Variants in MAP2 observed in about 807,000 individuals in gnomAD.
MAP2 encodes the protein microtubule-associated protein 2.
Under a neutral mutation model 137.6 loss-of-function variants are expected in MAP2, and 14 were observed. The observed-to-expected ratio is 0.10, with a 90% confidence interval of 0.07 to 0.16. The LOEUF (loss-of-function observed/expected upper bound fraction) is 0.16. Among genes scored for constraint, MAP2 ranks in the 10% least tolerant of loss-of-function variants. The pLI is 1.00. For synonymous variants in MAP2, 786 were observed against 782.3 expected (o/e 1.00, Z -0.08); for missense variants, 2,088 against 2,191.5 (o/e 0.95, Z 0.94).
At chr2:209,492,746 TC>T (rs905701341) in intron 1 of MAP2, among the ~76,000 whole-genome samples, 2 of 152,140 alleles carry the variant, frequency 1.3e-5, no homozygotes, top group African/African-American at 4.8e-5. Context: ...GTGAAGGACC[TC>T]TTCAAGGAGA....
intron 4 of MAP2, among the ~76,000 whole-genome samples, chr2:209,639,808 G>T (rs2093867088): frequency 6.6e-6 from 1 of 151,356 alleles, no homozygotes; most frequent in African/African-American, 2.4e-5. Context: ...GCGAGCATTT[G>T]TTGTGGAGCC....
intron 4 of MAP2, among the ~76,000 whole-genome samples, chr2:209,631,788 A>C (rs569819114): frequency 2.0e-5 from 3 of 152,292 alleles, no homozygotes; most frequent in South Asian, 4.1e-4. Context: ...ACCTTGTTCA[A>C]GTCTCTGTTC....
At chr2:209,600,155 C>G (rs1167407405) in intron 3 of MAP2, among the ~76,000 whole-genome samples, 1 of 152,126 alleles carries the variant, frequency 6.6e-6, no homozygotes, top group Non-Finnish European at 1.5e-5. Flanking sequence ...TCTTTCTACC[C>G]ATTTCACTCT....
intron 3 of MAP2, among the ~76,000 whole-genome samples, chr2:209,582,088 CAT>C (rs1199957505): frequency 6.6e-6 from 1 of 151,932 alleles, no homozygotes; most frequent in Non-Finnish European, 1.5e-5. Flanking sequence ...ATTTTTAACA[CAT>C]AGTATAGTGC....
At chr2:209,450,795 A>T (rs1700135555) in intron 1 of MAP2, among the ~76,000 whole-genome samples, 1 of 152,172 alleles carries the variant, frequency 6.6e-6, no homozygotes, top group Non-Finnish European at 1.5e-5. Flanking sequence ...ATATTTAATA[A>T]ATCAGAGAAA....
At chr2:209,607,279 G>A (rs2085105387) in intron 3 of MAP2, among the ~76,000 whole-genome samples, 1 of 152,194 alleles carries the variant, frequency 6.6e-6, no homozygotes, top group African/African-American at 2.4e-5. Flanking sequence ...AATACTGGGA[G>A]AAACAACTGG....
intron 5 of MAP2, among the ~76,000 whole-genome samples, chr2:209,665,597 T>C (rs1559512013): frequency 6.6e-6 from 1 of 152,198 alleles, no homozygotes; most frequent in East Asian, 1.9e-4. Flanking sequence ...AGTATACCAG[T>C]ATCGTCTTGG....
intron 1 of MAP2, among the ~76,000 whole-genome samples, chr2:209,489,646 A>G (rs1452558888): frequency 1.3e-5 from 2 of 152,222 alleles, no homozygotes; most frequent in Admixed American, 6.5e-5. Context: ...CATGAAGCAT[A>G]CACAAGTATC....
chr2:209,727,959 C>G (rs1453546502), intron 14 of MAP2, among the ~76,000 whole-genome samples: 2 of 152,028 alleles, frequency 1.3e-5, no homozygotes, highest in Non-Finnish European at 2.9e-5. Flanking sequence ...GAGAGTCCAT[C>G]TCTACAAAAA....
chr2:209,554,633 A>G (rs2070065557), intron 2 of MAP2, among the ~76,000 whole-genome samples: 1 of 151,860 alleles, frequency 6.6e-6, no homozygotes, highest in Admixed American at 6.6e-5. Context: ...ACAAAAATAC[A>G]AAGCTACTCA....
At chr2:209,516,070 C>T (rs1000204664) in intron 2 of MAP2, among the ~76,000 whole-genome samples, 10 of 152,126 alleles carry the variant, frequency 6.6e-5, no homozygotes, top group Admixed American at 1.3e-4. Context: ...GCTGAGATTA[C>T]AGGCGTGAGC....
intron 3 of MAP2, among the ~76,000 whole-genome samples, chr2:209,602,498 A>G (rs1425010541): frequency 2.6e-5 from 4 of 152,200 alleles, no homozygotes; most frequent in Admixed American, 6.6e-5. Flanking sequence ...TGTAAACTCA[A>G]TAGATTAGAA....
At chr2:209,658,584 G>A (rs913510145) in intron 5 of MAP2, among the ~76,000 whole-genome samples, 1 of 151,720 alleles carries the variant, frequency 6.6e-6, no homozygotes. Context: ...TTGGCTCATT[G>A]CAATGTCTGC....
chr2:209,670,007 C>A (rs1293164538), intron 5 of MAP2, among the ~76,000 whole-genome samples: 2 of 151,802 alleles, frequency 1.3e-5, no homozygotes, highest in African/African-American at 4.8e-5. Flanking sequence ...TCCAATTTCC[C>A]CACATCTACA....
At chr2:209,706,610 T>C (rs1188166302) in intron 12 of MAP2, among the ~76,000 whole-genome samples, 1 of 152,016 alleles carries the variant, frequency 6.6e-6, no homozygotes, top group African/African-American at 2.4e-5. Flanking sequence ...ACTGATAACT[T>C]CACAACCTGA....
chr2:209,664,471 A>G (rs2045287126), intron 5 of MAP2, among the ~76,000 whole-genome samples: 1 of 152,150 alleles, frequency 6.6e-6, no homozygotes, highest in African/African-American at 2.4e-5. Flanking sequence ...AATTGCTTAA[A>G]TCCAGGAGGT....
chr2:209,607,518 G>A (rs567673391), intron 3 of MAP2, among the ~76,000 whole-genome samples: 9 of 152,222 alleles, frequency 5.9e-5, no homozygotes, highest in East Asian at 1.9e-4. Context: ...CATTGCAACC[G>A]CTGCCTCCTG....
chr2:209,678,783 C>G, intron 6 of MAP2, 98 bp downstream of exon 6: 2 of 565,312 alleles, frequency 3.5e-6, no homozygotes, highest in Non-Finnish European at 6.0e-6. Context: ...TCTTGTACTT[C>G]ATCCTTACAT....
intron 3 of MAP2, among the ~76,000 whole-genome samples, chr2:209,594,945 G>C (rs1043041924): frequency 1.3e-5 from 2 of 152,116 alleles, no homozygotes; most frequent in Admixed American, 6.6e-5. Flanking sequence ...AGTAAATGAA[G>C]ACCTTGAGAT....
Sources: gnomAD v4.1 joint callset for allele counts (sites outside exome capture counted in the v4.1 genomes callset) on GRCh38, gnomAD v4.1.1 for gene constraint, MANE v1.5 for transcripts, NCBI Gene and HGNC (gene_info 2026-07-23, HGNC 2026-07-21) for gene names.